Variants in AFG1L observed in about 807,000 individuals in gnomAD.
AFG1L encodes the protein AFG1 like ATPase.
Under a neutral mutation model 62.2 loss-of-function variants are expected in AFG1L, and 53 were observed. The observed-to-expected ratio is 0.85, with a 90% CI of 0.68 to 1.07. AFG1L has a LOEUF of 1.07. AFG1L is among the 50% of genes least tolerant of loss of function. The pLI, the probability that AFG1L is intolerant of heterozygous loss-of-function variation, is 0.00. For missense variants in AFG1L, 555 were observed against 590.5 expected, an observed-to-expected ratio of 0.94 and a Z score of 0.62; for synonymous variants, 228 against 210.3, an observed-to-expected ratio of 1.08 and a Z score of -0.73.
At chr6:108,391,288 A>G (rs951877547) in intron 6 of AFG1L, among the ~76,000 whole-genome samples, 1 of 152,200 alleles carries the variant, frequency 6.6e-6, no homozygotes, top group African/African-American at 2.4e-5. Flanking sequence ...CCACACCAAC[A>G]TCTATTATTT....
intron 1 of AFG1L, among the ~76,000 whole-genome samples, chr6:108,299,318 G>A (rs1407728821): frequency 6.6e-6 from 1 of 151,652 alleles, no homozygotes; most frequent in East Asian, 1.9e-4. Flanking sequence ...GAAGAGACAA[G>A]GAAAGGGAGG....
rs1044126377 is a variant in AFG1L, at chr6:108,477,898, T to A, written c.1062+606T>A. 2.6e-4 allele frequency among the ~76,000 whole-genome samples: 40 copies of A among 152,364 alleles called. 1 individual carries two copies. The highest frequency in any genetic ancestry group is 3.4e-3 in the Middle Eastern group (1 of 294). On this transcript the variant is annotated intron_variant, in intron 10 of 12. Transcript: ENST00000368977. ...CATTATAGATATGAATTCTGTCTTT[T>A]AAAAAATCTGGAATTCTAAGTACTT... is the stretch of plus-strand genomic sequence containing the variant.
chr6:108,366,676 A>G (rs569271821), intron 6 of AFG1L, among the ~76,000 whole-genome samples: 1 of 152,004 alleles, frequency 6.6e-6, no homozygotes, highest in South Asian at 2.1e-4. Context: ...CAAATGAAAG[A>G]CGAAACTCAT....
At chr6:108,299,073 C>T (rs1426974329) in intron 1 of AFG1L, among the ~76,000 whole-genome samples, 1 of 151,982 alleles carries the variant, frequency 6.6e-6, no homozygotes, top group African/African-American at 2.4e-5. Flanking sequence ...CCAGCCTGGC[C>T]AACATGGTGA....
intron 10 of AFG1L, among the ~76,000 whole-genome samples, chr6:108,491,332 A>G (rs1181062900): frequency 6.6e-6 from 1 of 152,216 alleles, no homozygotes; most frequent in Non-Finnish European, 1.5e-5. Context: ...CTCAGAAGTG[A>G]TGATTTTTAC....
chr6:108,479,485 T>C (rs1249215694), intron 10 of AFG1L, among the ~76,000 whole-genome samples: 1 of 152,120 alleles, frequency 6.6e-6, no homozygotes, highest in African/African-American at 2.4e-5. Flanking sequence ...ACGTGATAAG[T>C]GGGGTTAGGT....
At chr6:108,491,705 T>G (rs1773784486) in intron 10 of AFG1L, among the ~76,000 whole-genome samples, 1 of 152,212 alleles carries the variant, frequency 6.6e-6, no homozygotes, top group Non-Finnish European at 1.5e-5. Flanking sequence ...TCTGTTAGTC[T>G]TACTCATAGT....
rs573951730 is a variant in AFG1L at position 108,417,291 on chromosome 6, A to C, written c.807+15237A>C. Among the ~76,000 whole-genome samples, 491 of 150,524 alleles carry C rather than the reference A, an allele frequency of 3.3e-3. 7 individuals are homozygous for C. The highest frequency in any genetic ancestry group is 0.028 in the East Asian group (145 of 5,130). Reference sequence around the variant, plus strand: ...GCACACACACACACACACACACAAAAAAAAAACGGGGAAAAAAAGAAAAAG... The same window carrying C: ...GCACACACACACACACACACACAAACAAAAAACGGGGAAAAAAAGAAAAAG... On this transcript the variant is annotated intron_variant, in intron 7 of 12. Transcript: ENST00000368977.
chr6:108,498,620 A>G (rs536720491), intron 10 of AFG1L, among the ~76,000 whole-genome samples: 126 of 152,344 alleles, frequency 8.3e-4, no homozygotes, highest in African/African-American at 2.8e-3. Flanking sequence ...TGGTGAAAAC[A>G]TTCATTATAT....
At chr6:108,314,658 C>T (rs1314222632) in intron 1 of AFG1L, among the ~76,000 whole-genome samples, 1 of 152,058 alleles carries the variant, frequency 6.6e-6, no homozygotes, top group Non-Finnish European at 1.5e-5. Flanking sequence ...CTCGGCCTCC[C>T]AAAATTGCTA....
At chr6:108,454,670 T>G (rs1772183489) in intron 8 of AFG1L, among the ~76,000 whole-genome samples, 1 of 152,172 alleles carries the variant, frequency 6.6e-6, no homozygotes, top group African/African-American at 2.4e-5. Context: ...TTATTATTAT[T>G]GAGACAGAAT....
At chr6:108,358,708 A>G (rs1490991978) in intron 5 of AFG1L, among the ~76,000 whole-genome samples, 4 of 151,824 alleles carry the variant, frequency 2.6e-5, no homozygotes, top group African/African-American at 9.7e-5. Flanking sequence ...ATTTTTTTGT[A>G]TTTTTAGTAG....
At chr6:108,395,912 AG>A (rs1781277849) in intron 6 of AFG1L, among the ~76,000 whole-genome samples, 1 of 152,058 alleles carries the variant, frequency 6.6e-6, no homozygotes, top group Admixed American at 6.6e-5. Context: ...GGCACTATCC[AG>A]CTCACTGCAA....
chr6:108,383,964 A>G lies in AFG1L; in HGVS notation c.748+17632A>G, dbSNP rs139566653. Reference sequence around the variant, plus strand: ...CCCTATTAAAAACGAAAACCTCTTCAGTATATGTAAGGCCATAGCCAAATG... The same window carrying G: ...CCCTATTAAAAACGAAAACCTCTTCGGTATATGTAAGGCCATAGCCAAATG... On this transcript the variant is annotated intron_variant, in intron 6 of 12. Transcript: ENST00000368977. 1.4e-4 allele frequency among the ~76,000 whole-genome samples: 22 copies of G among 152,002 alleles called. No individual in the cohort carries two copies. The East Asian group carries it at 2.1e-3, about 15-fold the overall frequency.
Position 108,522,413 on chromosome 6 carries a change from A to G in AFG1L, c.1434A>G (p.Arg478=). 1 of 1,608,602 alleles carries G rather than the reference A, an allele frequency of 6.2e-7. No individual in the cohort carries two copies. The highest frequency in any genetic ancestry group is 8.5e-7 in the Non-Finnish European group (1 of 1,175,804). ...QTEQYWNEGD[R]TKK ...AACAGTACTGGAATGAAGGAGACAG[A>G]ACCAAGAAGTAACTGCCACTTTTGC... is the stretch of plus-strand genomic sequence containing the variant. Residue 478 remains arginine, a synonymous_variant, in exon 13 of 13, where the codon AGA becomes AGG. Transcript: ENST00000368977.
At chr6:108,374,392 TAGTA>T (rs1780148971) in intron 6 of AFG1L, among the ~76,000 whole-genome samples, 1 of 152,208 alleles carries the variant, frequency 6.6e-6, no homozygotes, top group African/African-American at 2.4e-5. Flanking sequence ...TTTGAGGACT[TAGTA>T]ATAAATTGTT....
intron 10 of AFG1L, among the ~76,000 whole-genome samples, chr6:108,480,223 C>A (rs113286115): frequency 0.029 from 4,343 of 152,174 alleles, 95 homozygotes; most frequent in Middle Eastern, 0.085. Flanking sequence ...AGTTAGGAGA[C>A]CCTGCAACAC....
intron 7 of AFG1L, among the ~76,000 whole-genome samples, chr6:108,431,573 CAGATGTTT>C (rs1470259535): frequency 6.7e-6 from 1 of 148,390 alleles, no homozygotes; most frequent in East Asian, 2.0e-4. Context: ...TTGCCACAGT[CAGATGTTT>C]CACCTTTCTT....
intron 8 of AFG1L, among the ~76,000 whole-genome samples, chr6:108,466,767 ATATT>A (rs1772687016): frequency 1.4e-5 from 2 of 147,934 alleles, no homozygotes. Flanking sequence ...TAAAATATAT[ATATT>A]TTAAAAAATA....
Sources: allele counts gnomAD v4.1 joint callset (sites outside exome capture counted in the v4.1 genomes callset), GRCh38; gene constraint gnomAD v4.1.1; transcripts MANE v1.5; gene names NCBI Gene and HGNC (gene_info 2026-07-23, HGNC 2026-07-21).